RUFY3: variants seen among roughly 807,000 people sequenced by gnomAD.
RUFY3 encodes protein RUFY3.
In RUFY3, 34 loss-of-function variants were observed where a neutral mutation model predicts 84.0. That is an observed-to-expected ratio of 0.40 (90% CI 0.31 to 0.54). The LOEUF is 0.54. RUFY3 is among the 20% of genes least tolerant of loss of function. RUFY3 has a pLI of 0.39. For synonymous variants in RUFY3, 242 were observed against 252.9 expected, an observed-to-expected ratio of 0.96 and a Z score of 0.41; for missense variants, 507 against 736.8, an observed-to-expected ratio of 0.69 and a Z score of 3.61.
chr4:70,777,673 T>C (rs1433954766), intron 7 of RUFY3, among the ~76,000 whole-genome samples: 1 of 152,226 alleles, frequency 6.6e-6, no homozygotes, highest in Non-Finnish European at 1.5e-5. Context: ...ACTCTTTCTA[T>C]GCCTTAGTTT....
At chr4:70,705,291 C>G (rs1740152342) in exon 1 of RUFY3, 1 of 1,407,718 alleles carries the variant, frequency 7.1e-7, no homozygotes, top group African/African-American at 1.5e-5. Flanking sequence ...CAGCGGCAAG[C>G]ACCGTGAGTG....
At chr4:70,771,707 T>G (rs1476070326) in intron 5 of RUFY3, among the ~76,000 whole-genome samples, 1 of 152,040 alleles carries the variant, frequency 6.6e-6, no homozygotes, top group Non-Finnish European at 1.5e-5. Flanking sequence ...AATTTTTTTG[T>G]TTTGTGGAGA....
intron 1 of RUFY3, among the ~76,000 whole-genome samples, chr4:70,731,691 C>T (rs1719301114): frequency 6.6e-6 from 1 of 152,134 alleles, no homozygotes; most frequent in Non-Finnish European, 1.5e-5. Context: ...CCTCAGCCTC[C>T]TGAGTAGCTG....
At chr4:70,775,632 A>G (rs567693793) in intron 7 of RUFY3, among the ~76,000 whole-genome samples, 1 of 152,294 alleles carries the variant, frequency 6.6e-6, no homozygotes, top group South Asian at 2.1e-4. Flanking sequence ...TAAACCACTC[A>G]TTACATTAGT....
At chr4:70,727,948 C>T (rs1718568996) in intron 1 of RUFY3, among the ~76,000 whole-genome samples, 1 of 151,802 alleles carries the variant, frequency 6.6e-6, no homozygotes, top group Admixed American at 6.6e-5. Context: ...ACACGTTTAC[C>T]CTTAATAAGT....
At chr4:70,714,620 A>C (rs1330063002) in intron 1 of RUFY3, among the ~76,000 whole-genome samples, 1 of 152,220 alleles carries the variant, frequency 6.6e-6, no homozygotes, top group Non-Finnish European at 1.5e-5. Context: ...ATGAGGGTGG[A>C]AAAATGCCAT....
chr4:70,789,377 GAT>G (rs1730441715), intron 11 of RUFY3, 116 bp from the exon 12 acceptor site: 1 of 995,324 alleles, frequency 1.0e-6, no homozygotes. Flanking sequence ...AGGATTAACT[GAT>G]ATTGAAATAT....
Position 70,722,049 on chromosome 4 carries a change from G to A in RUFY3, c.-525G>A. On this transcript the variant is annotated 5_prime_UTR_variant, in exon 1 of 18. Transcript: ENST00000381006. ...GAACTCAGCATCCCAGCTCATCTGA[G>A]CAGATCCTGGAAGTGATTTCTGCAG... 8.1e-7 allele frequency: 1 copy of A among 1,232,164 alleles called. No individual in the cohort carries two copies. Among genetic ancestry groups the A allele is most frequent in the Non-Finnish European group, 1.0e-6 (1 of 987,984 alleles). The allele number at this position is 1,232,164 out of a possible 1,614,324, so 76.3% of individuals were successfully genotyped here. A position where few individuals can be genotyped will look rare whatever the true frequency, so the allele number is the denominator to read the frequency against.
At chr4:70,721,540 A>G (rs953045758), upstream of RUFY3, among the ~76,000 whole-genome samples, 15 of 152,002 alleles carry the variant, frequency 9.9e-5, no homozygotes, top group African/African-American at 3.6e-4. Flanking sequence ...TTTTCTTTTT[A>G]TCTTTTTGTT....
chr4:70,780,690 A>G (rs370167028), intron 8 of RUFY3, among the ~76,000 whole-genome samples: 10 of 152,334 alleles, frequency 6.6e-5, no homozygotes, highest in African/African-American at 2.4e-4. Flanking sequence ...ATTTTATGAG[A>G]TTGCTGTGTG....
At position 70,708,291 on chromosome 4, in the gene RUFY3, C is replaced by T. The variant is rs960711005; in HGVS notation, c.358+2997C>T. ...GGTTCAAGAGATTCTCCTGCCTCAG[C>T]CTCCCAAGTAGTTGGGATTACAGGT... is the stretch of plus-strand genomic sequence containing the variant. On this transcript the variant is annotated intron_variant, in intron 1 of 11. Coordinates refer to the RUFY3 transcript ENST00000417478. 3.9e-5 allele frequency among the ~76,000 whole-genome samples: 6 copies of T among 152,066 alleles called. 1 individual carries two copies. Among genetic ancestry groups the T allele is most frequent in the Admixed American group, 3.3e-4 (5 of 15,254 alleles).
At chr4:70,788,774 A>C in intron 10 of RUFY3, 32 bp from the exon 11 acceptor site, 1 of 1,610,828 alleles carries the variant, frequency 6.2e-7, no homozygotes, top group Non-Finnish European at 8.5e-7. Flanking sequence ...GAAGGAACAG[A>C]GTGTAAGCAA....
At chr4:70,731,516 G>A (rs928463693) in intron 1 of RUFY3, among the ~76,000 whole-genome samples, 1 of 152,112 alleles carries the variant, frequency 6.6e-6, no homozygotes, top group African/African-American at 2.4e-5. Flanking sequence ...ACCTCTATAT[G>A]CTAAATTTAG....
intron 1 of RUFY3, among the ~76,000 whole-genome samples, chr4:70,708,546 A>G (rs986432703): frequency 1.3e-5 from 2 of 152,232 alleles, no homozygotes. Flanking sequence ...GATGACTGGC[A>G]TCTGCCTCTT....
At chr4:70,781,686 T>G (rs1728943134) in intron 8 of RUFY3, among the ~76,000 whole-genome samples, 1 of 152,186 alleles carries the variant, frequency 6.6e-6, no homozygotes, top group Non-Finnish European at 1.5e-5. Flanking sequence ...GGCCACAGGA[T>G]CTGAGAGAGA....
At chr4:70,731,474 C>T (rs1037286227) in intron 1 of RUFY3, among the ~76,000 whole-genome samples, 3 of 152,148 alleles carry the variant, frequency 2.0e-5, no homozygotes, top group African/African-American at 7.2e-5. Context: ...AAAAATAGTA[C>T]ACTGCTGAAA....
intron 6 of RUFY3, among the ~76,000 whole-genome samples, chr4:70,774,644 A>AAAAAT (rs1553916771): frequency 1.7e-3 from 98 of 56,600 alleles, no homozygotes; most frequent in Non-Finnish European, 2.4e-3. Context: ...AAAAAAAAAA[A>AAAAAT]ATATATATAT....
chr4:70,758,636 A>G (rs944751136), intron 1 of RUFY3, among the ~76,000 whole-genome samples: 12 of 152,290 alleles, frequency 7.9e-5, no homozygotes, highest in Admixed American at 4.6e-4. Context: ...CATGTATACA[A>G]TGTAATGATC....
chr4:70,768,477 C>T, intron 4 of RUFY3, 61 bp from the exon 5 acceptor site: 5 of 1,561,188 alleles, frequency 3.2e-6, no homozygotes, highest in African/African-American at 2.7e-5. Context: ...CATTTTTGTC[C>T]TTGTCTCTGG....
Sources: gnomAD v4.1 joint callset for allele counts (sites outside exome capture counted in the v4.1 genomes callset) on GRCh38, gnomAD v4.1.1 for gene constraint, MANE v1.5 for transcripts, NCBI Gene and HGNC (gene_info 2026-07-23, HGNC 2026-07-21) for gene names.